The following EML4 variants were observed in gnomAD, a reference collection of about 807,000 sequenced individuals.
EML4 encodes EMAP like 4, also known as echinoderm microtubule-associated protein-like 4.
Under a neutral mutation model 129.0 loss-of-function variants are expected in EML4, and 72 were observed. The observed-to-expected ratio is 0.56, with a 90% CI of 0.46 to 0.68. The LOEUF (loss-of-function observed/expected upper bound fraction) is 0.68. Among genes scored for constraint, EML4 ranks in the 30% least tolerant of loss-of-function variants. EML4 has a pLI of 0.00. For synonymous variants in EML4, 532 were observed against 405.0 expected (o/e 1.31, Z -3.77); for missense variants, 1,363 against 1,190.6 (o/e 1.14, Z -2.13).
chr2:42,227,462 G>C (rs945527498), intron 1 of EML4, among the ~76,000 whole-genome samples: 3 of 145,168 alleles, frequency 2.1e-5, no homozygotes, highest in African/African-American at 8.0e-5. Context: ...ATTAATATGA[G>C]CCTGTTAAGG....
chr2:42,251,677 G>GTATA (rs1209123086), intron 2 of EML4, among the ~76,000 whole-genome samples: 2 of 152,234 alleles, frequency 1.3e-5, no homozygotes, highest in Admixed American at 1.3e-4. Flanking sequence ...GAAGAAGTAT[G>GTATA]TATACAGTTG....
intron 1 of EML4, among the ~76,000 whole-genome samples, chr2:42,179,838 G>A (rs775860739): frequency 4.6e-5 from 7 of 152,096 alleles, no homozygotes; most frequent in Non-Finnish European, 8.8e-5. Flanking sequence ...TTGACCCCAA[G>A]TGATCCACCC....
At chr2:42,274,233 T>G (rs1256668052) in intron 6 of EML4, among the ~76,000 whole-genome samples, 1 of 152,138 alleles carries the variant, frequency 6.6e-6, no homozygotes, top group Non-Finnish European at 1.5e-5. Context: ...CAAATTCCAG[T>G]TTGGGGGAGG....
At chr2:42,252,757 GCTGT>G (rs1314918473) in intron 2 of EML4, among the ~76,000 whole-genome samples, 3 of 152,016 alleles carry the variant, frequency 2.0e-5, no homozygotes, top group African/African-American at 4.8e-5. Context: ...CGCCCTTTCA[GCTGT>G]CTATTTCTTT....
At chr2:42,288,201 A>G (rs1558577449) in intron 10 of EML4, 26 bp from the exon 11 acceptor site, 3 of 1,021,856 alleles carry the variant, frequency 2.9e-6, no homozygotes, top group Admixed American at 2.3e-5. Flanking sequence ...TGAATTTTAA[A>G]ATGCCTCTGA....
At chr2:42,179,799 A>C (rs1034947980) in intron 1 of EML4, among the ~76,000 whole-genome samples, 7 of 151,950 alleles carry the variant, frequency 4.6e-5, no homozygotes, top group Non-Finnish European at 8.8e-5. Flanking sequence ...ATGGAGTTTC[A>C]CTATGTTGGT....
chr2:42,202,136 G>T (rs1315200989), intron 1 of EML4, among the ~76,000 whole-genome samples: 2 of 152,112 alleles, frequency 1.3e-5, no homozygotes, highest in African/African-American at 4.8e-5. Flanking sequence ...GGGCTTGGAG[G>T]GGTGTAGACA....
intron 2 of EML4, among the ~76,000 whole-genome samples, chr2:42,250,463 T>TA (rs1407191725): frequency 6.6e-6 from 1 of 152,308 alleles, no homozygotes; most frequent in Non-Finnish European, 1.5e-5. Context: ...GTGGGACCCT[T>TA]ACGCTAAAAT....
At chr2:42,196,724 A>C (rs1373661025) in intron 1 of EML4, among the ~76,000 whole-genome samples, 1 of 152,202 alleles carries the variant, frequency 6.6e-6, no homozygotes, top group African/African-American at 2.4e-5. Flanking sequence ...ATAAGGTCCA[A>C]GGAAAGCTAA....
chr2:42,234,495 C>T (rs963154178), intron 1 of EML4, among the ~76,000 whole-genome samples: 1 of 151,386 alleles, frequency 6.6e-6, no homozygotes, highest in African/African-American at 2.4e-5. Flanking sequence ...GAGTTCAGAC[C>T]TGTCTCACAA....
intron 19 of EML4, chr2:42,325,199 C>A (rs371445383): frequency 3.6e-6 from 2 of 550,562 alleles, no homozygotes; most frequent in Non-Finnish European, 3.6e-6. Context: ...CTGTAAGATA[C>A]AAGTTTAAGA....
At chr2:42,326,503 TTTTC>T (rs1247928805) in intron 21 of EML4, among the ~76,000 whole-genome samples, 1 of 152,218 alleles carries the variant, frequency 6.6e-6, no homozygotes, top group Non-Finnish European at 1.5e-5. Context: ...ACCTTCCCGT[TTTTC>T]TTTAAGTGAA....
chr2:42,264,567 C>A, intron 5 of EML4, 139 bp from the exon 6 acceptor site: 1 of 625,630 alleles, frequency 1.6e-6, no homozygotes, highest in South Asian at 1.9e-5. Flanking sequence ...TTAAAAAATG[C>A]TGATTTCTTA....
At chr2:42,258,663 G>T (rs1257557563) in intron 3 of EML4, among the ~76,000 whole-genome samples, 1 of 152,070 alleles carries the variant, frequency 6.6e-6, no homozygotes, top group African/African-American at 2.4e-5. Flanking sequence ...ACCTCCCAAA[G>T]TGGTGGGATT....
At chr2:42,297,392 G>T (rs770620892) in intron 13 of EML4, among the ~76,000 whole-genome samples, 1 of 152,146 alleles carries the variant, frequency 6.6e-6, no homozygotes, top group Non-Finnish European at 1.5e-5. Context: ...TCAGGTTGGG[G>T]ACAGGAAGAA....
chr2:42,304,065 C>T (rs979506060), intron 16 of EML4, among the ~76,000 whole-genome samples: 14 of 152,140 alleles, frequency 9.2e-5, no homozygotes, highest in African/African-American at 3.1e-4. Flanking sequence ...GGTGGCATTG[C>T]AGTTGGATTC....
At chr2:42,240,282 G>A (rs1674941751) in intron 1 of EML4, among the ~76,000 whole-genome samples, 2 of 152,058 alleles carry the variant, frequency 1.3e-5, no homozygotes, top group African/African-American at 2.4e-5. Flanking sequence ...TGTGAAATTC[G>A]AATAATACAG....
chr2:42,283,311 A>C (rs1667117009), intron 8 of EML4, among the ~76,000 whole-genome samples: 1 of 151,988 alleles, frequency 6.6e-6, no homozygotes, highest in Non-Finnish European at 1.5e-5. Flanking sequence ...ATTATTGGTT[A>C]CTCGATATTT....
In EML4 at chr2:42,254,426, C is replaced by A. The variant is rs201309842; in HGVS notation, c.209-2075C>A. On this transcript the variant is annotated intron_variant, in intron 2 of 22. Transcript: ENST00000318522. ...TGAGCCATGATTGTGACATGGCACT[C>A]CAGCCTGGGCAACAGAGCAAGACTC... is the stretch of plus-strand genomic sequence containing the variant. Among the ~76,000 whole-genome samples the A allele has an allele frequency of 6.0e-5, 9 of 151,002 alleles. No homozygotes were observed. The East Asian group carries it at 1.7e-3, about 29-fold the overall frequency.
Sources: allele counts gnomAD v4.1 joint callset (sites outside exome capture counted in the v4.1 genomes callset), GRCh38; gene constraint gnomAD v4.1.1; transcripts MANE v1.5; gene names NCBI Gene and HGNC (gene_info 2026-07-23, HGNC 2026-07-21).